Variants in VWA3B observed in about 807,000 individuals in gnomAD.
VWA3B encodes the protein von Willebrand factor A domain-containing protein 3B.
A neutral mutation model predicts 158.3 loss-of-function variants in VWA3B; 138 were observed. The observed-to-expected ratio is 0.87, with a 90% CI of 0.76 to 1.00. The LOEUF (loss-of-function observed/expected upper bound fraction) is 1.00. VWA3B is among the 50% of genes least tolerant of loss of function. The pLI is 0.00. For missense variants in VWA3B, 1,555 were observed against 1,565.1 expected, an observed-to-expected ratio of 0.99 and a Z score of 0.11; for synonymous variants, 596 against 587.3, an observed-to-expected ratio of 1.01 and a Z score of -0.21.
chr2:98,175,227 C>G (rs922774593), intron 8 of VWA3B, among the ~76,000 whole-genome samples: 1 of 152,062 alleles, frequency 6.6e-6, no homozygotes, highest in Admixed American at 6.5e-5. Context: ...AGGAGGAAGC[C>G]CAGACATTGA....
At chr2:98,156,426 G>A (rs1678079482) in intron 7 of VWA3B, among the ~76,000 whole-genome samples, 1 of 152,162 alleles carries the variant, frequency 6.6e-6, no homozygotes, top group Admixed American at 6.5e-5. Context: ...AGTAGCCCAC[G>A]CACACAACCA....
intron 22 of VWA3B, among the ~76,000 whole-genome samples, chr2:98,285,280 C>A (rs114202949): frequency 6.6e-6 from 1 of 152,204 alleles, no homozygotes; most frequent in South Asian, 2.1e-4. Context: ...TATAAATAAA[C>A]GGCTGGATAA....
At chr2:98,089,886 A>G (rs1488425109) in intron 1 of VWA3B, among the ~76,000 whole-genome samples, 1 of 152,146 alleles carries the variant, frequency 6.6e-6, no homozygotes, top group Non-Finnish European at 1.5e-5. Context: ...CACCTTAGCT[A>G]TACTGGAGAA....
chr2:98,247,239 C>G (rs538750866), intron 19 of VWA3B, among the ~76,000 whole-genome samples: 3 of 152,038 alleles, frequency 2.0e-5, no homozygotes, highest in Non-Finnish European at 4.4e-5. Flanking sequence ...CTCAAGTGAT[C>G]CACCCGCCTC....
At position 98,260,589 on chromosome 2, in the gene VWA3B, G is replaced by A. The variant is rs552676873; in HGVS notation, c.2843+4415G>A. Among the ~76,000 whole-genome samples the A allele has an allele frequency of 4.0e-5, 6 of 151,728 alleles. No homozygotes were observed. The South Asian group carries it at 8.3e-4, about 21-fold the overall frequency. Reference sequence around the variant, plus strand: ...ACTATTTTATTTAAGAGGCTTGAGCGTCTGTGGATTTTGGCTTCCATAGGG... The same window carrying A: ...ACTATTTTATTTAAGAGGCTTGAGCATCTGTGGATTTTGGCTTCCATAGGG... On this transcript the variant is annotated intron_variant, in intron 21 of 27. Transcript: ENST00000477737.
chr2:98,298,042 C>T lies in VWA3B; in HGVS notation c.3282+11C>T, dbSNP rs759353733. 1 of 1,536,692 alleles carries T rather than the reference C, an allele frequency of 6.5e-7. No individual in the cohort carries two copies. Among genetic ancestry groups the T allele is most frequent in the East Asian group, 2.4e-5 (1 of 40,950 alleles). ...TGCCCGCTGCTCCAGGTACCCAGTC[C>T]CTGATGTGTTCTGGGGCCCCTTTTC... On this transcript the variant is annotated intron_variant, in intron 24 of 27. Coordinates refer to ENST00000477737, the MANE Select transcript of VWA3B (RefSeq NM_144992.5).
chr2:98,282,432 CTTTT>C (rs759230723), intron 22 of VWA3B, among the ~76,000 whole-genome samples: 10 of 124,890 alleles, frequency 8.0e-5, no homozygotes, highest in Middle Eastern at 4.4e-3. Flanking sequence ...ACATGAATTA[CTTTT>C]TTTTTTTTTT....
rs537569937 is a variant in VWA3B at position 98,304,862 on chromosome 2, C to T, written c.3521+1060C>T. Reference sequence around the variant, plus strand: ...ACACACTCCTAAATAAATACCGTTCCCTTGGTTCCGCAGTGTGATCCAGCA... The same window carrying T: ...ACACACTCCTAAATAAATACCGTTCTCTTGGTTCCGCAGTGTGATCCAGCA... On this transcript the variant is annotated intron_variant, in intron 26 of 27. Coordinates refer to ENST00000477737, the MANE Select transcript of VWA3B (RefSeq NM_144992.5). Among the ~76,000 whole-genome samples, 36 of 152,226 alleles carry T rather than the reference C, an allele frequency of 2.4e-4. 2 individuals carry two copies. The highest frequency in any genetic ancestry group is 8.4e-4 in the African/African-American group (35 of 41,538).
chr2:98,163,435 G>A (rs1678805549), intron 8 of VWA3B, among the ~76,000 whole-genome samples: 1 of 152,148 alleles, frequency 6.6e-6, no homozygotes, highest in Non-Finnish European at 1.5e-5. Context: ...CTACTCAGGA[G>A]GCTGAGGCAG....
intron 15 of VWA3B, chr2:98,228,899 A>G (rs1158021892): frequency 6.6e-6 from 1 of 152,250 alleles, no homozygotes; most frequent in Non-Finnish European, 1.5e-5. Flanking sequence ...AAATGATTTA[A>G]TATTTTCCAG....
intron 22 of VWA3B, among the ~76,000 whole-genome samples, chr2:98,276,035 C>T (rs568775413): frequency 2.6e-5 from 4 of 152,260 alleles, no homozygotes; most frequent in African/African-American, 9.6e-5. Flanking sequence ...TAAGACTGTC[C>T]CCTCACTGCC....
chr2:98,234,459 T>A (rs1443591014), intron 16 of VWA3B, among the ~76,000 whole-genome samples, 189 bp from the exon 17 acceptor site: 5 of 152,000 alleles, frequency 3.3e-5, no homozygotes, highest in Non-Finnish European at 7.4e-5. Flanking sequence ...CCAGGAGGGG[T>A]CCAGCTGAAA....
intron 2 of VWA3B, among the ~76,000 whole-genome samples, chr2:98,109,182 G>A (rs1673935354): frequency 6.6e-6 from 1 of 152,026 alleles, no homozygotes; most frequent in African/African-American, 2.4e-5. Context: ...AGTAAAGACA[G>A]GGTTTCTCCA....
the VWA3B span, among the ~76,000 whole-genome samples, chr2:98,319,594 C>T: frequency 5.3e-5 from 8 of 152,084 alleles, no homozygotes; most frequent in Non-Finnish European, 8.8e-5. Context: ...TAAAACTAGA[C>T]TTAGGCCAGA....
chr2:98,252,905 A>G (rs1438999160), intron 20 of VWA3B, among the ~76,000 whole-genome samples: 2 of 152,194 alleles, frequency 1.3e-5, no homozygotes, highest in Admixed American at 1.3e-4. Context: ...TATTGTCACT[A>G]TATTGTTATT....
At chr2:98,320,576 A>G in the VWA3B span, among the ~76,000 whole-genome samples, 12 of 152,256 alleles carry the variant, frequency 7.9e-5, no homozygotes, top group Non-Finnish European at 1.3e-4. Flanking sequence ...AATAAAGTCC[A>G]GGCTGTGGTG....
At chr2:98,281,018 G>C (rs1688846600) in intron 22 of VWA3B, among the ~76,000 whole-genome samples, 1 of 152,224 alleles carries the variant, frequency 6.6e-6, no homozygotes, top group African/African-American at 2.4e-5. Context: ...TGGGAAGGAA[G>C]GCACTAATTC....
At chr2:98,122,103 A>C (rs1264126737) in intron 5 of VWA3B, 5 of 152,460 alleles carry the variant, frequency 3.3e-5, no homozygotes, top group Non-Finnish European at 5.9e-5. Flanking sequence ...AGAAGTGATT[A>C]GATGGTGGTG....
intron 5 of VWA3B, among the ~76,000 whole-genome samples, chr2:98,123,193 C>T (rs1675099651): frequency 1.3e-5 from 2 of 152,188 alleles, no homozygotes; most frequent in Admixed American, 6.5e-5. Context: ...GCAGTTTGCT[C>T]TGAATAGAAA....
Sources: gnomAD v4.1 joint callset for allele counts (sites outside exome capture counted in the v4.1 genomes callset) on GRCh38, gnomAD v4.1.1 for gene constraint, MANE v1.5 for transcripts, NCBI Gene and HGNC (gene_info 2026-07-23, HGNC 2026-07-21) for gene names.